Variants in KCNN2 observed in about 807,000 individuals in gnomAD.
The protein encoded by KCNN2 is potassium calcium-activated channel subfamily N member 2.
KCNN2 carries 24 observed loss-of-function variants against 55.5 expected under a neutral mutation model. The observed-to-expected ratio is 0.43, with a 90% CI of 0.31 to 0.61. The LOEUF (loss-of-function observed/expected upper bound fraction) is 0.61. KCNN2 is among the 20% of genes least tolerant of loss of function. The probability of loss-of-function intolerance (pLI) is 0.08; values close to 1 mark genes in which losing one functional copy is unlikely to be tolerated. For synonymous variants in KCNN2, 431 were observed against 336.1 expected (o/e 1.28, Z -3.09); for missense variants, 754 against 853.6 (o/e 0.88, Z 1.45).
At chr5:114,167,800 A>G (rs1206113973) in intron 1 of KCNN2, among the ~76,000 whole-genome samples, 2 of 152,130 alleles carry the variant, frequency 1.3e-5, no homozygotes, top group Admixed American at 1.3e-4. Flanking sequence ...TTTAACCCCA[A>G]AAGTTTCCTA....
intron 6 of KCNN2, among the ~76,000 whole-genome samples, chr5:114,488,501 C>T (rs1580924368): frequency 6.6e-6 from 1 of 152,276 alleles, no homozygotes; most frequent in Non-Finnish European, 1.5e-5. Context: ...ATCTGGCTCA[C>T]AAGAGGGAAC....
At chr5:114,234,890 A>G (rs944943899) in intron 2 of KCNN2, among the ~76,000 whole-genome samples, 5 of 152,192 alleles carry the variant, frequency 3.3e-5, no homozygotes, top group African/African-American at 1.2e-4. Context: ...AAGCAAGTTC[A>G]GTATGTGTTA....
At position 114,241,761 on chromosome 5, in the gene KCNN2, TAC is replaced by T. The variant is rs1561537073; in HGVS notation, c.-185+20197_-185+20198del. Among the ~76,000 whole-genome samples the T allele has an allele frequency of 2.0e-3, 45 of 22,476 alleles. 7 individuals are homozygous for T. Among genetic ancestry groups the T allele is most frequent in the East Asian group, 4.9e-3 (2 of 412 alleles). The allele number at this position is 22,476 out of a possible 152,430, so 14.7% of individuals were successfully genotyped here. ...ATATACGTATATATATGTATATATA[TAC>T]GTATATATATACATATATACGTATA... On this transcript the variant is annotated intron_variant, in intron 2 of 10. Transcript: ENST00000512097.
chr5:114,107,689 C>T (rs1216978246), intron 1 of KCNN2, among the ~76,000 whole-genome samples: 4 of 152,120 alleles, frequency 2.6e-5, no homozygotes, highest in East Asian at 1.9e-4. Context: ...CACCACCTCA[C>T]GCAGGCATCA....
intron 1 of KCNN2, among the ~76,000 whole-genome samples, chr5:114,165,385 T>A (rs1399023373): frequency 6.6e-6 from 1 of 152,196 alleles, no homozygotes; most frequent in Non-Finnish European, 1.5e-5. Flanking sequence ...CTCTTCCTTA[T>A]GATTTTCGTT....
intron 3 of KCNN2, among the ~76,000 whole-genome samples, chr5:114,453,577 G>C (rs1172192096): frequency 6.6e-6 from 1 of 152,094 alleles, no homozygotes; most frequent in Non-Finnish European, 1.5e-5. Flanking sequence ...AGAAATAGAA[G>C]AACACTATTT....
At chr5:114,215,488 A>G in intron 1 of KCNN2, among the ~76,000 whole-genome samples, 1 of 152,170 alleles carries the variant, frequency 6.6e-6, no homozygotes, top group East Asian at 1.9e-4. Context: ...ACTCTAAGGC[A>G]GGAAGGGATC....
At chr5:114,381,790 T>C (rs1326843577) in intron 2 of KCNN2, among the ~76,000 whole-genome samples, 1 of 152,222 alleles carries the variant, frequency 6.6e-6, no homozygotes, top group African/African-American at 2.4e-5. Context: ...ATGCTTTACC[T>C]TCTCAAGGAC....
At chr5:114,180,109 G>A (rs1361266878) in intron 1 of KCNN2, among the ~76,000 whole-genome samples, 2 of 152,134 alleles carry the variant, frequency 1.3e-5, no homozygotes, top group Non-Finnish European at 1.5e-5. Flanking sequence ...AAGACAAAAC[G>A]GATTATAAGT....
chr5:114,322,604 C>T (rs6594820), intron 2 of KCNN2, among the ~76,000 whole-genome samples: 26,567 of 151,676 alleles, frequency 0.18, 3,792 homozygotes, highest in East Asian at 0.8. Flanking sequence ...CACACACACA[C>T]ATACACACTT....
chr5:114,170,606 G>T (rs909244690), intron 1 of KCNN2, among the ~76,000 whole-genome samples: 1 of 151,908 alleles, frequency 6.6e-6, no homozygotes, highest in Non-Finnish European at 1.5e-5. Flanking sequence ...TTTCCTAGGA[G>T]GATGACAGCA....
intron 2 of KCNN2, among the ~76,000 whole-genome samples, chr5:114,277,780 A>G (rs3101084): frequency 0.9 from 136,539 of 152,140 alleles, 61,677 homozygotes; most frequent in East Asian, 0.94. Flanking sequence ...GATGGGTTAG[A>G]ACATGCTCCT....
intron 2 of KCNN2, among the ~76,000 whole-genome samples, chr5:114,382,788 C>A (rs1313032042): frequency 1.3e-5 from 2 of 152,140 alleles, no homozygotes; most frequent in Non-Finnish European, 2.9e-5. Flanking sequence ...AGTCATATGC[C>A]CAACCCTGGA....
Position 114,250,202 on chromosome 5 carries a change from TA to T in KCNN2, c.-185+28644del, listed in dbSNP as rs1188599733. Among the ~76,000 whole-genome samples, 7 of 152,222 alleles carry T rather than the reference TA, an allele frequency of 4.6e-5. No homozygotes were observed. In the East Asian group the frequency reaches 1.4e-3, roughly 29 times the overall value. ...GCATGAGCAGTTTGGATAAGCCTTT[TA>T]AAAAAAGGAATGTTATATTATAAAC... On this transcript the variant is annotated intron_variant, in intron 2 of 10. Coordinates refer to the KCNN2 transcript ENST00000512097.
chr5:114,194,188 T>C (rs1753505491), intron 1 of KCNN2, among the ~76,000 whole-genome samples: 1 of 152,126 alleles, frequency 6.6e-6, no homozygotes, highest in African/African-American at 2.4e-5. Flanking sequence ...TGTAGACATA[T>C]GTTTGCATTT....
intron 1 of KCNN2, among the ~76,000 whole-genome samples, chr5:114,109,766 T>C (rs1007174667): frequency 1.3e-5 from 2 of 152,052 alleles, no homozygotes; most frequent in African/African-American, 2.4e-5. Context: ...TCCTGGCAGA[T>C]GAGGCAGATG....
intron 2 of KCNN2, among the ~76,000 whole-genome samples, chr5:114,401,139 G>T (rs190550064): frequency 2.0e-5 from 3 of 151,904 alleles, no homozygotes; most frequent in Admixed American, 6.6e-5. Context: ...AACATTGAGG[G>T]TCAGGATTAT....
intron 1 of KCNN2, among the ~76,000 whole-genome samples, chr5:114,097,301 A>C (rs148087070): frequency 0.011 from 1,612 of 152,262 alleles, 26 homozygotes; most frequent in African/African-American, 0.036. Context: ...TTTTGTTCGG[A>C]TTACAAACCC....
chr5:114,289,364 A>G (rs1163684099), intron 2 of KCNN2, among the ~76,000 whole-genome samples: 2 of 141,464 alleles, frequency 1.4e-5, no homozygotes, highest in African/African-American at 5.1e-5. Flanking sequence ...GAATTTTAGA[A>G]TCAACTTTTT....
Sources: gnomAD v4.1 joint callset for allele counts (sites outside exome capture counted in the v4.1 genomes callset) on GRCh38, gnomAD v4.1.1 for gene constraint, MANE v1.5 for transcripts, NCBI Gene and HGNC (gene_info 2026-07-23, HGNC 2026-07-21) for gene names.